The following L3MBTL4 variants were observed in gnomAD, a reference collection of about 807,000 sequenced individuals.
L3MBTL4 encodes the protein lethal(3)malignant brain tumor-like protein 4.
A neutral mutation model predicts 84.5 loss-of-function variants in L3MBTL4; 70 were observed. The observed-to-expected ratio is 0.83, with a 90% CI of 0.68 to 1.01. The LOEUF is 1.01. Ranked by LOEUF, L3MBTL4 falls within the 50% of genes least tolerant of loss-of-function variation. The probability of loss-of-function intolerance (pLI) is 0.00; values close to 1 mark genes in which losing one functional copy is unlikely to be tolerated. For missense variants in L3MBTL4, 715 were observed against 754.8 expected (o/e 0.95, Z 0.62); for synonymous variants, 274 against 259.8 (o/e 1.05, Z -0.52).
intron 1 of L3MBTL4, among the ~76,000 whole-genome samples, chr18:6,335,603 C>T (rs533917695): frequency 1.3e-5 from 2 of 152,316 alleles, no homozygotes; most frequent in Admixed American, 6.5e-5. Flanking sequence ...CCACCCAAAT[C>T]TTATCTTGAA....
intron 14 of L3MBTL4, among the ~76,000 whole-genome samples, chr18:6,131,001 T>A (rs533992408): frequency 1.3e-5 from 2 of 152,188 alleles, no homozygotes; most frequent in Non-Finnish European, 2.9e-5. Context: ...GACATCCATC[T>A]AAAAAGGACA....
chr18:6,015,258 G>T (rs1158790659), intron 16 of L3MBTL4, among the ~76,000 whole-genome samples: 2 of 151,970 alleles, frequency 1.3e-5, no homozygotes, highest in Admixed American at 6.6e-5. Context: ...GAAAGGAAAG[G>T]GTGCCTAGTA....
chr18:6,123,736 T>C (rs1023632535), intron 14 of L3MBTL4, among the ~76,000 whole-genome samples: 1 of 152,262 alleles, frequency 6.6e-6, no homozygotes, highest in Non-Finnish European at 1.5e-5. Context: ...TCATCTTGTT[T>C]TGCAGATAAA....
intron 7 of L3MBTL4, 60 bp downstream of exon 7, chr18:6,243,234 A>C: frequency 7.3e-7 from 1 of 1,367,426 alleles, no homozygotes; most frequent in Non-Finnish European, 9.7e-7. Context: ...AAGTATTGTT[A>C]AAATATAAGT....
intron 14 of L3MBTL4, among the ~76,000 whole-genome samples, chr18:6,129,113 A>G (rs1190979079): frequency 1.3e-5 from 2 of 152,152 alleles, no homozygotes; most frequent in East Asian, 3.9e-4. Context: ...GTGTTCCCAC[A>G]GGCCTCAATT....
intron 1 of L3MBTL4, among the ~76,000 whole-genome samples, chr18:6,391,463 G>A (rs2055047155): frequency 6.6e-6 from 1 of 151,954 alleles, no homozygotes; most frequent in African/African-American, 2.4e-5. Flanking sequence ...ATTCAACATA[G>A]TGATAGTAAC....
intron 12 of L3MBTL4, among the ~76,000 whole-genome samples, chr18:6,195,022 T>C (rs1039331479): frequency 3.3e-5 from 5 of 152,174 alleles, no homozygotes; most frequent in African/African-American, 1.2e-4. Flanking sequence ...TCCTCACCTG[T>C]AGAATGAAGG....
intron 10 of L3MBTL4, among the ~76,000 whole-genome samples, chr18:6,228,123 CA>C (rs1250225837): frequency 6.6e-6 from 1 of 152,196 alleles, no homozygotes; most frequent in Non-Finnish European, 1.5e-5. Flanking sequence ...CCTAGACATA[CA>C]TTGTCAATTA....
intron 12 of L3MBTL4, among the ~76,000 whole-genome samples, chr18:6,208,859 G>T (rs894970092): frequency 6.6e-6 from 1 of 152,152 alleles, no homozygotes; most frequent in Non-Finnish European, 1.5e-5. Flanking sequence ...TTAAAACCCT[G>T]CCATGGCATG....
At chr18:6,166,292 T>C (rs2043652277) in intron 13 of L3MBTL4, among the ~76,000 whole-genome samples, 1 of 152,116 alleles carries the variant, frequency 6.6e-6, no homozygotes, top group Non-Finnish European at 1.5e-5. Context: ...TTAACAAGGA[T>C]ATCCAGGAAT....
chr18:6,255,630 G>T (rs995451984), intron 5 of L3MBTL4, among the ~76,000 whole-genome samples: 1 of 152,070 alleles, frequency 6.6e-6, no homozygotes, highest in Admixed American at 6.6e-5. Context: ...CTTTCGTCTC[G>T]ATATGCCTTG....
intron 1 of L3MBTL4, among the ~76,000 whole-genome samples, chr18:6,329,087 G>C (rs1339742836): frequency 2.6e-5 from 4 of 151,252 alleles, no homozygotes; most frequent in Non-Finnish European, 5.9e-5. Flanking sequence ...GGCAAATCTT[G>C]ATGGTTGTCC....
intron 13 of L3MBTL4, among the ~76,000 whole-genome samples, chr18:6,154,580 C>A (rs975816703): frequency 6.6e-5 from 10 of 152,138 alleles, no homozygotes; most frequent in African/African-American, 2.4e-4. Context: ...GTGCAAACAA[C>A]CTGGTATTTA....
intron 16 of L3MBTL4, among the ~76,000 whole-genome samples, chr18:6,054,716 C>G (rs896577909): frequency 2.0e-5 from 3 of 152,212 alleles, no homozygotes; most frequent in Non-Finnish European, 4.4e-5. Context: ...CTCAGACCAG[C>G]GCTGCTCTTA....
rs1198287258 is a variant in L3MBTL4 at position 6,295,344 on chromosome 18, CTCTA to C, written c.127+6555_127+6558del. Among the ~76,000 whole-genome samples, 533 of 105,252 alleles carry C rather than the reference CTCTA, an allele frequency of 5.1e-3. 2 individuals are homozygous for C. The highest frequency in any genetic ancestry group is 0.018 in the African/African-American group (337 of 19,182). 69.0% of individuals were successfully genotyped at this position (105,252 alleles called of 152,430 possible). A position where few individuals can be genotyped will look rare whatever the true frequency, so the allele number is the denominator to read the frequency against. ...TCTCTCTCTCTCTCTCTCTCTCTCTCTCTATATATATATATATATATATATATAC... is the reference window on the plus strand; with the variant it reads ...TCTCTCTCTCTCTCTCTCTCTCTCTCTATATATATATATATATATATATAC... On this transcript the variant is annotated intron_variant, in intron 4 of 18. Coordinates refer to ENST00000317931, the MANE Select transcript of L3MBTL4 (RefSeq NM_001330559.2).
chr18:5,962,907 C>A (rs1164031295), intron 17 of L3MBTL4, among the ~76,000 whole-genome samples: 1 of 152,186 alleles, frequency 6.6e-6, no homozygotes, highest in African/African-American at 2.4e-5. Flanking sequence ...TTAACGGTAT[C>A]CCTGCCCTCT....
intron 16 of L3MBTL4, among the ~76,000 whole-genome samples, chr18:6,066,748 C>T (rs2057412085): frequency 6.6e-6 from 1 of 151,962 alleles, no homozygotes; most frequent in South Asian, 2.1e-4. Context: ...TTATGTGACT[C>T]CTTATGTGTT....
intron 16 of L3MBTL4, chr18:6,029,244 G>A (rs575760190): frequency 6.2e-6 from 1 of 161,254 alleles, no homozygotes; most frequent in African/African-American, 2.4e-5. Context: ...CCACACAGGA[G>A]ACACAGTCAC....
intron 12 of L3MBTL4, among the ~76,000 whole-genome samples, chr18:6,180,834 T>C (rs1303330084): frequency 6.6e-6 from 1 of 152,212 alleles, no homozygotes; most frequent in Non-Finnish European, 1.5e-5. Flanking sequence ...TGTATGCCAA[T>C]GTTCATGGCA....
Sources: gnomAD v4.1 joint callset for allele counts (sites outside exome capture counted in the v4.1 genomes callset) on GRCh38, gnomAD v4.1.1 for gene constraint, MANE v1.5 for transcripts, NCBI Gene and HGNC (gene_info 2026-07-23, HGNC 2026-07-21) for gene names.